The following NUP155 variants were observed in gnomAD, a reference collection of about 807,000 sequenced individuals.
NUP155 encodes the protein nucleoporin 155, also known as nuclear pore complex protein Nup155.
In NUP155, 71 loss-of-function variants were observed where a neutral mutation model predicts 180.4. The ratio of observed to expected loss-of-function variants is 0.39; its 90% CI spans 0.33 to 0.48. The LOEUF (loss-of-function observed/expected upper bound fraction) is 0.48. Among genes scored for constraint, NUP155 ranks in the 20% least tolerant of loss-of-function variants. The probability of loss-of-function intolerance (pLI) is 0.91; values close to 1 mark genes in which losing one functional copy is unlikely to be tolerated. For missense variants in NUP155, 1,553 were observed against 1,648.9 expected (o/e 0.94, Z 1.01); for synonymous variants, 582 against 559.5 (o/e 1.04, Z -0.57).
In NUP155 at chr5:37,333,450, A is replaced by G. The variant is rs772022924; in HGVS notation, c.1518+13T>C. On this transcript the variant is annotated intron_variant, in intron 13 of 34. Coordinates refer to ENST00000231498, the MANE Select transcript of NUP155 (RefSeq NM_153485.3). ...CTTATTTTTGTCACTACCATAACAG[A>G]ATACGTACACACCTGTGCTGAGAGG... The G allele has an allele frequency of 6.2e-7, 1 of 1,612,084 alleles. No individual in the cohort carries two copies. The highest frequency in any genetic ancestry group is 1.1e-5 in the South Asian group (1 of 91,038).
chr5:37,317,469 CAA>C (rs1743967047), intron 21 of NUP155, among the ~76,000 whole-genome samples: 1 of 151,608 alleles, frequency 6.6e-6, no homozygotes, highest in Middle Eastern at 3.4e-3. Context: ...GCCTGGGAAA[CAA>C]GAGTGAAACT....
chr5:37,360,996 C>T (rs532952321), intron 3 of NUP155, among the ~76,000 whole-genome samples: 13 of 151,846 alleles, frequency 8.6e-5, no homozygotes, highest in African/African-American at 2.2e-4. Context: ...GGGCTGGGTG[C>T]GGTGGCTCAT....
chr5:37,350,405 A>C (rs1333983089), intron 6 of NUP155, 140 bp from the exon 7 acceptor site: 1 of 638,772 alleles, frequency 1.6e-6, no homozygotes, highest in Non-Finnish European at 2.8e-6. Flanking sequence ...TAATCAACAA[A>C]ACGAGACATA....
At chr5:37,364,164 T>C in intron 2 of NUP155, 83 bp downstream of exon 2, 2 of 1,240,586 alleles carry the variant, frequency 1.6e-6, no homozygotes, top group Non-Finnish European at 2.3e-6. Context: ...ATATAACACA[T>C]TAATTAAACA....
At chr5:37,317,041 C>A (rs1316226569) in intron 21 of NUP155, among the ~76,000 whole-genome samples, 1 of 149,422 alleles carries the variant, frequency 6.7e-6, no homozygotes, top group Non-Finnish European at 1.5e-5. Context: ...TGGTGGCGGG[C>A]GCCTGTAGTC....
chr5:37,305,209 A>C lies in NUP155; in HGVS notation c.2905T>G (p.Leu969Val), dbSNP rs751422421. The C allele has an allele frequency of 3.1e-6, 5 of 1,610,656 alleles. No individual in the cohort carries two copies. Among genetic ancestry groups the C allele is most frequent in the Non-Finnish European group, 4.2e-6 (5 of 1,177,570 alleles). Residue 969 changes from leucine to valine, a missense_variant and splice_region_variant, in exon 26 of 35, where the codon TTA becomes GTA. Physicochemically the swap from Leu to Val is conservative, Grantham distance 32. Transcript: ENST00000231498. ...IVGLQAFQER[L>V]NSYKCITDTL... ...TCTGTAATGCATTTGTAACTGTTTA[A>C]TCTGAAAGAAAATGGAAAAGGAACA...
chr5:37,346,287 A>AT (rs1202690035), intron 9 of NUP155, among the ~76,000 whole-genome samples: 1 of 151,956 alleles, frequency 6.6e-6, no homozygotes, highest in African/African-American at 2.4e-5. Context: ...GAAAAAAAAA[A>AT]CAAAAAGTTG....
intron 1 of NUP155, among the ~76,000 whole-genome samples, chr5:37,365,709 G>A (rs867106795): frequency 0.038 from 164 of 4,358 alleles, no homozygotes; most frequent in African/African-American, 0.061. Flanking sequence ...CTCTGTCTCG[G>A]GGAGAAAAAA....
Position 37,299,437 on chromosome 5 carries a change from T to C in NUP155, c.3682+11A>G, listed in dbSNP as rs1452400551. 1.2e-6 allele frequency: 2 copies of C among 1,614,036 alleles called. No individual in the cohort carries two copies. The highest frequency in any genetic ancestry group is 4.5e-5 in the East Asian group (2 of 44,848). On this transcript the variant is annotated intron_variant, in intron 31 of 34. Transcript: ENST00000231498. Reference sequence around the variant, plus strand: ...TAACGTATGCTAACATACCTATAACTGAACACTTACCTTTCTCTATGATAT... The same window carrying C: ...TAACGTATGCTAACATACCTATAACCGAACACTTACCTTTCTCTATGATAT...
chr5:37,328,765 A>G (rs755575915), intron 16 of NUP155, among the ~76,000 whole-genome samples: 1 of 152,170 alleles, frequency 6.6e-6, no homozygotes, highest in Non-Finnish European at 1.5e-5. Context: ...TCGGCCTCCC[A>G]AAGTCCTGGG....
chr5:37,345,792 T>G (rs992288236), intron 9 of NUP155, among the ~76,000 whole-genome samples: 3 of 151,244 alleles, frequency 2.0e-5, no homozygotes, highest in African/African-American at 7.3e-5. Context: ...TAGTCCCAGC[T>G]GCTTGGGAGG....
rs542561803 is a variant in NUP155, at chr5:37,349,854, A to AT, written c.829+305dup. Among the ~76,000 whole-genome samples the AT allele has an allele frequency of 5.3e-3, 801 of 152,300 alleles. 4 individuals are homozygous for AT. The highest frequency in any genetic ancestry group is 0.016 in the African/African-American group (651 of 41,582). Reference sequence around the variant, plus strand: ...TTGTTCTAGACCAAGCAAACAATGTATTAGCTGTCTGAATGTCTGTCTCTC... The same window carrying AT: ...TTGTTCTAGACCAAGCAAACAATGTATTTAGCTGTCTGAATGTCTGTCTCTC... On this transcript the variant is annotated intron_variant, in intron 7 of 34. Transcript: ENST00000231498.
intron 20 of NUP155, among the ~76,000 whole-genome samples, chr5:37,322,706 C>CA (rs1172972564): frequency 0.18 from 18,001 of 101,810 alleles, 1,193 homozygotes; most frequent in African/African-American, 0.22. Context: ...GACTCTGTCT[C>CA]AAAAAAAAAA....
chr5:37,303,153 G>T, intron 28 of NUP155, 107 bp downstream of exon 28: 3 of 1,296,572 alleles, frequency 2.3e-6, no homozygotes, highest in Non-Finnish European at 3.2e-6. Context: ...AAAAAATTTA[G>T]GTCAGTATAT....
chr5:37,299,612 C>T (rs200889713), intron 30 of NUP155, 44 bp from the exon 31 acceptor site: 40 of 1,599,578 alleles, frequency 2.5e-5, no homozygotes, highest in Non-Finnish European at 3.3e-5. Context: ...TAGAGATCAA[C>T]ATTCAGAGAT....
chr5:37,302,928 T>C lies in NUP155; in HGVS notation c.3318-20A>G, dbSNP rs762968987. On this transcript the variant is annotated intron_variant, in intron 28 of 34. Transcript: ENST00000231498. ...TCTGTGCTAGAAGGGAAAACGCTTATTTTTAGTTACACAATTTCTTAAGGA... is the reference window on the plus strand; with the variant it reads ...TCTGTGCTAGAAGGGAAAACGCTTACTTTTAGTTACACAATTTCTTAAGGA... 1.2e-5 allele frequency: 20 copies of C among 1,613,170 alleles called. No individual in the cohort carries two copies. The highest frequency in any genetic ancestry group is 3.3e-4 in the Middle Eastern group (2 of 6,078).
chr5:37,309,342 G>T, intron 23 of NUP155, 75 bp from the exon 24 acceptor site: 8 of 1,186,102 alleles, frequency 6.7e-6, no homozygotes, highest in South Asian at 1.3e-5. Flanking sequence ...CTAAGTTTTA[G>T]TCTATGTCTA....
At chr5:37,339,258 G>T (rs1294909117) in intron 11 of NUP155, among the ~76,000 whole-genome samples, 1 of 145,918 alleles carries the variant, frequency 6.9e-6, no homozygotes, top group Admixed American at 6.9e-5. Context: ...GCTGTAATGA[G>T]TCATGACTGC....
At position 37,294,005 on chromosome 5, in the gene NUP155, C is replaced by CAA. The variant is rs70976294; in HGVS notation, c.3930+322_3930+323dup. ...TGGGCAACAGAGCGAGACGCCGTCTCAAAAAAAAAAAAAAAAAAAAAAATA... is the reference window on the plus strand; with the variant it reads ...TGGGCAACAGAGCGAGACGCCGTCTCAAAAAAAAAAAAAAAAAAAAAAAAATA... On this transcript the variant is annotated intron_variant, in intron 33 of 34. Coordinates refer to ENST00000231498, the MANE Select transcript of NUP155 (RefSeq NM_153485.3). Among the ~76,000 whole-genome samples, 47 of 37,238 alleles carry CAA rather than the reference C, an allele frequency of 1.3e-3. 1 individual carries two copies. In the South Asian group the frequency reaches 0.02, roughly 16 times the overall value. 24.4% of individuals were successfully genotyped at this position (37,238 alleles called of 152,430 possible). A position where few individuals can be genotyped will look rare whatever the true frequency, so the allele number is the denominator to read the frequency against.
Sources: allele counts gnomAD v4.1 joint callset (sites outside exome capture counted in the v4.1 genomes callset), GRCh38; gene constraint gnomAD v4.1.1; transcripts MANE v1.5; gene names NCBI Gene and HGNC (gene_info 2026-07-23, HGNC 2026-07-21).